WDR59: variants seen among roughly 807,000 people sequenced by gnomAD.
WDR59 encodes the protein WD repeat domain 59.
Under a neutral mutation model 131.2 loss-of-function variants are expected in WDR59, and 100 were observed. The observed-to-expected ratio is 0.76, with a 90% confidence interval of 0.65 to 0.90. The LOEUF (loss-of-function observed/expected upper bound fraction) is 0.90, where lower values mean the gene tolerates loss of function less well. Ranked by LOEUF, WDR59 falls within the 40% of genes least tolerant of loss-of-function variation. The pLI is 0.00. For missense variants in WDR59, 1,203 were observed against 1,262.2 expected, an observed-to-expected ratio of 0.95 and a Z score of 0.71; for synonymous variants, 601 against 466.2, an observed-to-expected ratio of 1.29 and a Z score of -3.72.
chr16:74,902,599 C>T (rs949567747), intron 18 of WDR59, among the ~76,000 whole-genome samples: 5 of 152,010 alleles, frequency 3.3e-5, no homozygotes, highest in African/African-American at 7.2e-5. Flanking sequence ...GGGTGGCACA[C>T]GACACAAATC....
chr16:74,893,896 T>G, intron 18 of WDR59, 84 bp from the exon 19 acceptor site: 1 of 1,474,776 alleles, frequency 6.8e-7, no homozygotes, highest in Non-Finnish European at 9.2e-7. Context: ...ATTGGGGTCA[T>G]TGGCAATTTG....
rs376992747 is a variant in WDR59 at position 74,965,141 on chromosome 16, G to A, written c.104+632C>T. On this transcript the variant is annotated intron_variant, in intron 2 of 25. Transcript: ENST00000262144. ...GCTGGTCTTGAACTCCTTGGCTCACGTGGTCCTCCTGCCTCAGCTTCGCAA... is the reference window on the plus strand; with the variant it reads ...GCTGGTCTTGAACTCCTTGGCTCACATGGTCCTCCTGCCTCAGCTTCGCAA... 1.4e-4 allele frequency among the ~76,000 whole-genome samples: 21 copies of A among 152,246 alleles called. 3 individuals carry two copies. The highest frequency in any genetic ancestry group is 7.7e-4 in the East Asian group (4 of 5,164).
At chr16:74,885,205 C>A (rs1026672879) in intron 25 of WDR59, among the ~76,000 whole-genome samples, 1 of 152,100 alleles carries the variant, frequency 6.6e-6, no homozygotes, top group African/African-American at 2.4e-5. Context: ...GTAATCCCAG[C>A]ACTTTGGGAG....
rs74026614 is a variant in WDR59 at position 74,896,954 on chromosome 16, A to C, written c.1867-3142T>G. ...CAGCCATCAGCGCTGAGATTTGAAC[A>C]CAGGCCTGTCAGGCTGCTAAGCTCA... On this transcript the variant is annotated intron_variant, in intron 18 of 25. Transcript: ENST00000262144. Among the ~76,000 whole-genome samples, 1,043 of 152,308 alleles carry C rather than the reference A, an allele frequency of 6.8e-3. 8 individuals carry two copies. The highest frequency in any genetic ancestry group is 0.024 in the African/African-American group (979 of 41,570).
At chr16:74,924,297 G>T (rs1438041223) in intron 8 of WDR59, among the ~76,000 whole-genome samples, 1 of 152,184 alleles carries the variant, frequency 6.6e-6, no homozygotes, top group East Asian at 1.9e-4. Context: ...AATTCAGAGT[G>T]ACGTGTTTGA....
At chr16:74,897,421 A>C (rs1965349962) in intron 18 of WDR59, among the ~76,000 whole-genome samples, 1 of 152,206 alleles carries the variant, frequency 6.6e-6, no homozygotes, top group Admixed American at 6.5e-5. Context: ...TTGGGTTACA[A>C]AGATCGGTAG....
At chr16:74,907,101 T>C (rs1030296835) in intron 17 of WDR59, among the ~76,000 whole-genome samples, 3 of 151,904 alleles carry the variant, frequency 2.0e-5, no homozygotes, top group African/African-American at 7.3e-5. Context: ...AGGTGTTCCC[T>C]AGTACTGAAC....
At chr16:74,933,744 C>A (rs1336396328) in intron 8 of WDR59, among the ~76,000 whole-genome samples, 1 of 152,152 alleles carries the variant, frequency 6.6e-6, no homozygotes, top group African/African-American at 2.4e-5. Context: ...CACCACCACA[C>A]CAAGCTAATT....
intron 8 of WDR59, among the ~76,000 whole-genome samples, chr16:74,928,021 C>T (rs1359070750): frequency 4.0e-5 from 6 of 150,410 alleles, no homozygotes; most frequent in African/African-American, 7.4e-5. Context: ...GAATCTCCTG[C>T]CTCAGCCTCC....
At chr16:74,912,087 C>T (rs1014130021) in intron 14 of WDR59, 111 bp downstream of exon 14, 38 of 1,455,598 alleles carry the variant, frequency 2.6e-5, no homozygotes, top group South Asian at 1.3e-4. Flanking sequence ...AGTGTGTGTA[C>T]GAAACAGATG....
rs1382098454 is a variant in WDR59 at position 74,873,945 on chromosome 16, G to A, written c.*264C>T. 1 of 454,174 alleles carries A rather than the reference G, an allele frequency of 2.2e-6. No homozygotes were observed. The highest frequency in any genetic ancestry group is 3.9e-5 in the East Asian group (1 of 25,446). 28.1% of individuals were successfully genotyped at this position (454,174 alleles called of 1,614,324 possible). A position where few individuals can be genotyped will look rare whatever the true frequency, so the allele number is the denominator to read the frequency against. ...TTTTCTCCATGAAAACTTCCACCTT[G>A]GTAGCTCAGCCGACATAGACAACAC... On this transcript the variant is annotated 3_prime_UTR_variant, in exon 26 of 26. Coordinates refer to ENST00000262144, the MANE Select transcript of WDR59 (RefSeq NM_030581.4).
At chr16:74,883,956 C>A (rs905524920) in intron 25 of WDR59, among the ~76,000 whole-genome samples, 2 of 152,200 alleles carry the variant, frequency 1.3e-5, no homozygotes, top group African/African-American at 2.4e-5. Context: ...ACTATCCCAA[C>A]CTAAGCCCAC....
intron 25 of WDR59, among the ~76,000 whole-genome samples, chr16:74,878,158 C>T (rs562929312): frequency 4.6e-5 from 7 of 152,222 alleles, no homozygotes; most frequent in Admixed American, 1.3e-4. Flanking sequence ...TAAGAGCTCT[C>T]GTATCTATTA....
intron 2 of WDR59, among the ~76,000 whole-genome samples, chr16:74,965,158 G>C (rs1194173860): frequency 6.6e-6 from 1 of 152,176 alleles, no homozygotes; most frequent in East Asian, 1.9e-4. Context: ...TCCTGCCTCA[G>C]CTTCGCAAGT....
intron 8 of WDR59, among the ~76,000 whole-genome samples, chr16:74,932,532 A>C (rs977745635): frequency 6.6e-6 from 1 of 151,998 alleles, no homozygotes; most frequent in Non-Finnish European, 1.5e-5. Flanking sequence ...TCTGTCACCC[A>C]GGTTGGAGTG....
chr16:74,969,575 T>C (rs1328427920), intron 1 of WDR59, among the ~76,000 whole-genome samples: 1 of 84,596 alleles, frequency 1.2e-5, no homozygotes, highest in Non-Finnish European at 3.2e-5. Flanking sequence ...CCGGCCTGTT[T>C]TTTTGTTTTT....
chr16:74,878,846 G>A lies in WDR59; in HGVS notation c.2690-4402C>T, dbSNP rs528411235. Among the ~76,000 whole-genome samples, 14 of 152,316 alleles carry A rather than the reference G, an allele frequency of 9.2e-5. No individual in the cohort carries two copies. The East Asian group carries it at 2.3e-3, about 25-fold the overall frequency. ...AAATGATTCTGCTCCATAGGATATT[G>A]TTATCATAAACTAGCCAGAGCCATT... On this transcript the variant is annotated intron_variant, in intron 25 of 25. Transcript: ENST00000262144.
chr16:74,918,369 G>C lies in WDR59; in HGVS notation c.887-361C>G, dbSNP rs143899489. On this transcript the variant is annotated intron_variant, in intron 10 of 25. Coordinates refer to ENST00000262144, the MANE Select transcript of WDR59 (RefSeq NM_030581.4). ...TGAAATACTAACTGGCAAATTAGCA[G>C]GTAAAGAGCGATGCTGGGATTTAAT... 9.2e-3 allele frequency among the ~76,000 whole-genome samples: 1,399 copies of C among 152,306 alleles called. 20 individuals are homozygous for C. Among genetic ancestry groups the C allele is most frequent in the African/African-American group, 0.032 (1,312 of 41,550 alleles).
intron 10 of WDR59, among the ~76,000 whole-genome samples, chr16:74,920,504 G>A (rs2030100547): frequency 1.3e-5 from 2 of 152,114 alleles, no homozygotes. Context: ...GGGTTCAAGA[G>A]ATTCTCCTGC....
Sources: gnomAD v4.1 joint callset for allele counts (sites outside exome capture counted in the v4.1 genomes callset) on GRCh38, gnomAD v4.1.1 for gene constraint, MANE v1.5 for transcripts, NCBI Gene and HGNC (gene_info 2026-07-23, HGNC 2026-07-21) for gene names.